The following CEP41 variants were observed in gnomAD, a reference collection of about 807,000 sequenced individuals.
CEP41 encodes the protein centrosomal protein 41.
Under a neutral mutation model 44.3 loss-of-function variants are expected in CEP41, and 32 were observed. The ratio of observed to expected loss-of-function variants is 0.72; its 90% confidence interval spans 0.54 to 0.97. The LOEUF (loss-of-function observed/expected upper bound fraction) is 0.97, where lower values mean the gene tolerates loss of function less well. CEP41 is among the 50% of genes least tolerant of loss of function. CEP41 has a pLI of 0.00. For synonymous variants in CEP41, 151 were observed against 168.5 expected, an observed-to-expected ratio of 0.90 and a Z score of 0.80; for missense variants, 432 against 455.2, an observed-to-expected ratio of 0.95 and a Z score of 0.46.
intron 1 of CEP41, chr7:130,440,500 T>C (rs887418097): frequency 3.1e-4 from 107 of 340,804 alleles, no homozygotes; most frequent in South Asian, 2.8e-3. Flanking sequence ...TAATGTCCTA[T>C]TTTGCCCGTT....
chr7:130,406,306 G>A (rs533865155), intron 5 of CEP41, among the ~76,000 whole-genome samples: 33 of 152,186 alleles, frequency 2.2e-4, no homozygotes, highest in Admixed American at 6.5e-4. Context: ...ATAACAGGGC[G>A]GGCATGGTGG....
Position 130,404,647 on chromosome 7 carries a change from T to A in CEP41, c.339A>T (p.Gly113=). The change falls in exon 6 of 11, where the codon GGA becomes GGT. Residue 113 remains glycine (G), a synonymous_variant. Transcript: ENST00000223208. ...GGCTCGGCGACTGCTCACCTGGATT[T>A]CCTTTCCCATTGGTCCTGGCAGTGG... ...AETTARTNGK[G]NPGEQSPSPE... The A allele has an allele frequency of 6.2e-7, 1 of 1,613,396 alleles. No individual in the cohort carries two copies. The highest frequency in any genetic ancestry group is 2.2e-5 in the East Asian group (1 of 44,878).
At chr7:130,419,702 T>C (rs1797443464) in intron 2 of CEP41, 1 of 985,372 alleles carries the variant, frequency 1.0e-6, no homozygotes, top group Non-Finnish European at 1.2e-6. Context: ...TGAAACTCCT[T>C]GCTCTAGCAC....
At position 130,395,502 on chromosome 7, in the gene CEP41, G is replaced by C. The variant is rs1398588929; in HGVS notation, c.*3389C>G. 2 of 453,956 alleles carry C rather than the reference G, an allele frequency of 4.4e-6. No homozygotes were observed. The highest frequency in any genetic ancestry group is 8.8e-6 in the Non-Finnish European group (2 of 226,788). 28.1% of individuals were successfully genotyped at this position (453,956 alleles called of 1,614,324 possible). A position where few individuals can be genotyped will look rare whatever the true frequency, so the allele number is the denominator to read the frequency against. On this transcript the variant is annotated 3_prime_UTR_variant, in exon 11 of 11. Transcript: ENST00000223208. ...ATCTTCAGAGTAGAGCAAGAAGGTG[G>C]TCATGGATTTAAATCCAGGTGGACA...
intron 8 of CEP41, among the ~76,000 whole-genome samples, 178 bp downstream of exon 8, chr7:130,401,703 G>A (rs576225551): frequency 6.6e-6 from 1 of 152,246 alleles, no homozygotes; most frequent in East Asian, 1.9e-4. Context: ...CGGTTTGAAA[G>A]CATCCGCCTA....
At chr7:130,415,719 C>T (rs141481347) in intron 3 of CEP41, among the ~76,000 whole-genome samples, 2 of 152,194 alleles carry the variant, frequency 1.3e-5, no homozygotes, top group East Asian at 1.9e-4. Flanking sequence ...GTGACAGAGA[C>T]GACAAACCCA....
chr7:130,417,823 A>G (rs1325480522), intron 2 of CEP41, among the ~76,000 whole-genome samples: 1 of 152,186 alleles, frequency 6.6e-6, no homozygotes, highest in African/African-American at 2.4e-5. Flanking sequence ...CATTTCTAAA[A>G]CTGTGCTCCT....
intron 2 of CEP41, among the ~76,000 whole-genome samples, chr7:130,424,264 G>A (rs957957339): frequency 2.0e-5 from 3 of 152,096 alleles, no homozygotes; most frequent in Admixed American, 6.5e-5. Context: ...GCCGGGCATG[G>A]TGGCGCCCGC....
intron 1 of CEP41, among the ~76,000 whole-genome samples, chr7:130,436,864 C>T (rs1267074593): frequency 1.3e-5 from 2 of 152,026 alleles, no homozygotes; most frequent in Non-Finnish European, 2.9e-5. Flanking sequence ...TGGTAAAACC[C>T]CGTCTCTACT....
intron 1 of CEP41, among the ~76,000 whole-genome samples, chr7:130,434,657 C>A (rs1797911538): frequency 6.6e-6 from 1 of 152,156 alleles, no homozygotes; most frequent in Non-Finnish European, 1.5e-5. Flanking sequence ...ATAGATGGAT[C>A]TGAAGCATAA....
At chr7:130,422,041 T>C (rs1554422350) in intron 2 of CEP41, 1 of 1,535,084 alleles carries the variant, frequency 6.5e-7, no homozygotes, top group Non-Finnish European at 8.7e-7. Flanking sequence ...AAGTTCAAAA[T>C]AATTCTGAGA....
chr7:130,415,010 G>C (rs1797293130), intron 3 of CEP41, among the ~76,000 whole-genome samples: 1 of 152,088 alleles, frequency 6.6e-6, no homozygotes, highest in African/African-American at 2.4e-5. Context: ...TTTCACACTG[G>C]GTCCAACTAG....
Position 130,400,806 on chromosome 7 carries a change from T to C in CEP41, c.658A>G (p.Lys220Glu). ...TCATCGTCATACAGAATGATGATCT[T>C]GCCATGGGCATTTTTCTAAGAGTCA... ...DILEYKNAHG[K>E]IIILYDDDER... The change falls in exon 9 of 11, where the codon AAG becomes GAG. Residue 220 changes from lysine (K) to glutamate (E), a missense_variant. Lys to Glu is a moderately conservative substitution (Grantham distance 56, BLOSUM62 1). Transcript: ENST00000223208. 6.2e-7 allele frequency: 1 copy of C among 1,611,066 alleles called. No individual in the cohort carries two copies. The highest frequency in any genetic ancestry group is 2.2e-5 in the East Asian group (1 of 44,874).
At chr7:130,412,429 T>G (rs782475798) in intron 3 of CEP41, among the ~76,000 whole-genome samples, 189 bp from the exon 4 acceptor site, 5 of 152,234 alleles carry the variant, frequency 3.3e-5, no homozygotes, top group Non-Finnish European at 2.9e-5. Flanking sequence ...TGTTTCCCTT[T>G]GCTTTGTCAT....
chr7:130,398,856 G>A lies in CEP41; in HGVS notation c.*35C>T. The A allele has an allele frequency of 6.2e-7, 1 of 1,612,926 alleles. No homozygotes were observed. Among genetic ancestry groups the A allele is most frequent in the Non-Finnish European group, 8.5e-7 (1 of 1,178,936 alleles). On this transcript the variant is annotated 3_prime_UTR_variant, in exon 11 of 11. Coordinates refer to ENST00000223208, the MANE Select transcript of CEP41 (RefSeq NM_018718.3). ...AAATGCTCAGGGGTTCTGAAAAGAG[G>A]AAGAACATTTATTTGCCTAAGTGAG...
chr7:130,434,708 C>T (rs1228888116), intron 1 of CEP41, among the ~76,000 whole-genome samples: 1 of 152,138 alleles, frequency 6.6e-6, no homozygotes, highest in African/African-American at 2.4e-5. Context: ...TAGCATAACA[C>T]TATTTTTGTA....
chr7:130,418,349 C>A lies in CEP41; in HGVS notation c.98-1383G>T, dbSNP rs567667253. On this transcript the variant is annotated intron_variant, in intron 2 of 10. Coordinates refer to ENST00000223208, the MANE Select transcript of CEP41 (RefSeq NM_018718.3). ...CAATTGACCCGAGATGTGACCAGAT[C>A]TTCAGAGCAGAAGCCACAATTTCTT... 7.9e-5 allele frequency among the ~76,000 whole-genome samples: 12 copies of A among 152,320 alleles called. No homozygotes were observed. In the East Asian group the frequency reaches 1.2e-3, roughly 15 times the overall value.
chr7:130,404,813 A>G, intron 5 of CEP41, 105 bp from the exon 6 acceptor site: 1 of 972,410 alleles, frequency 1.0e-6, no homozygotes, highest in South Asian at 1.3e-5. Context: ...TATCATCATT[A>G]TTAAATTGTC....
chr7:130,401,312 G>C (rs1796836399), intron 8 of CEP41: 1 of 172,960 alleles, frequency 5.8e-6, no homozygotes, highest in African/African-American at 2.4e-5. Flanking sequence ...ATCAGCATGG[G>C]GAAATACATC....
Sources: gnomAD v4.1 joint callset for allele counts (sites outside exome capture counted in the v4.1 genomes callset) on GRCh38, gnomAD v4.1.1 for gene constraint, MANE v1.5 for transcripts, NCBI Gene and HGNC (gene_info 2026-07-23, HGNC 2026-07-21) for gene names.